Variants in CEP112 observed in about 807,000 individuals in gnomAD.
CEP112 encodes the protein centrosomal protein 112, also known as centrosomal protein of 112 kDa.
In CEP112, 127 loss-of-function variants were observed where a neutral mutation model predicts 153.0. That is an observed-to-expected ratio of 0.83 (90% CI 0.72 to 0.96). The LOEUF is 0.96. Ranked by LOEUF, CEP112 falls within the 40% of genes least tolerant of loss-of-function variation. CEP112 has a pLI of 0.00. For synonymous variants in CEP112, 358 were observed against 374.4 expected, an observed-to-expected ratio of 0.96 and a Z score of 0.51; for missense variants, 1,089 against 1,101.2, an observed-to-expected ratio of 0.99 and a Z score of 0.16.
intron 21 of CEP112, among the ~76,000 whole-genome samples, chr17:65,831,438 T>C (rs911402035): frequency 3.3e-5 from 5 of 151,698 alleles, no homozygotes; most frequent in African/African-American, 7.3e-5. Context: ...GCACCTGTAG[T>C]CCCAGCTACT....
intron 1 of CEP112, among the ~76,000 whole-genome samples, chr17:66,190,545 G>A (rs1280507074): frequency 6.6e-6 from 1 of 152,076 alleles, no homozygotes; most frequent in African/African-American, 2.4e-5. Flanking sequence ...GGTGACGGAC[G>A]TTGCAGTGAG....
At chr17:65,758,986 G>C (rs528464269) in intron 21 of CEP112, among the ~76,000 whole-genome samples, 77 of 152,286 alleles carry the variant, frequency 5.1e-4, no homozygotes, top group South Asian at 1.0e-3. Context: ...GAATGAGAGA[G>C]GAGGTAGGCA....
At chr17:65,743,770 A>AC (rs914538649) in intron 22 of CEP112, among the ~76,000 whole-genome samples, 2 of 150,250 alleles carry the variant, frequency 1.3e-5, no homozygotes, top group Non-Finnish European at 3.0e-5. Context: ...TTTAATTTTA[A>AC]TTTTTTTTGA....
chr17:65,723,083 C>T (rs2049982884), intron 23 of CEP112, among the ~76,000 whole-genome samples: 1 of 152,192 alleles, frequency 6.6e-6, no homozygotes, highest in African/African-American at 2.4e-5. Context: ...AATACATGTG[C>T]TTCAGATGTA....
intron 16 of CEP112, among the ~76,000 whole-genome samples, chr17:66,009,788 T>C (rs2064435498): frequency 6.6e-6 from 1 of 152,192 alleles, no homozygotes; most frequent in Non-Finnish European, 1.5e-5. Flanking sequence ...CGCAGCCTTA[T>C]TTCTGGGTTC....
intron 21 of CEP112, among the ~76,000 whole-genome samples, chr17:65,842,983 G>A (rs556977952): frequency 4.6e-5 from 7 of 151,682 alleles, no homozygotes; most frequent in Non-Finnish European, 8.8e-5. Flanking sequence ...CTATACCCAT[G>A]TAACAAACCT....
chr17:66,115,943 C>A (rs2069269103), intron 6 of CEP112, among the ~76,000 whole-genome samples: 1 of 152,146 alleles, frequency 6.6e-6, no homozygotes, highest in Non-Finnish European at 1.5e-5. Context: ...GATAGCTGCC[C>A]TCAATAAGCC....
intron 18 of CEP112, among the ~76,000 whole-genome samples, chr17:65,932,701 C>T (rs1250213603): frequency 6.6e-6 from 1 of 151,994 alleles, no homozygotes; most frequent in African/African-American, 2.4e-5. Context: ...AGAGTGAGGG[C>T]GAAGGTGCCA....
intron 21 of CEP112, among the ~76,000 whole-genome samples, chr17:65,830,469 C>A (rs1197213633): frequency 6.6e-6 from 1 of 152,116 alleles, no homozygotes; most frequent in East Asian, 1.9e-4. Flanking sequence ...TGGTCTTGTC[C>A]CACAGGAACT....
chr17:65,988,252 G>GAAATCAAC lies in CEP112; in HGVS notation c.1736+17430_1736+17437dup, dbSNP rs2063475425. Among the ~76,000 whole-genome samples, 4 of 152,102 alleles carry GAAATCAAC rather than the reference G, an allele frequency of 2.6e-5. No individual in the cohort carries two copies. The South Asian group carries it at 8.3e-4, about 31-fold the overall frequency. On this transcript the variant is annotated intron_variant, in intron 17 of 26. Transcript: ENST00000535342. Reference sequence around the variant, plus strand: ...GTGATCTAGCGAGATAAGAAAGAAAGAAATCAACAAATCAATTATAATGAA... The same window carrying GAAATCAAC: ...GTGATCTAGCGAGATAAGAAAGAAAGAAATCAACAAATCAACAAATCAATTATAATGAA...
chr17:65,974,548 C>T (rs1568325407), intron 17 of CEP112, among the ~76,000 whole-genome samples: 2 of 152,146 alleles, frequency 1.3e-5, no homozygotes, highest in East Asian at 1.9e-4. Context: ...AAATTCATAT[C>T]CATTAGGTTA....
intron 20 of CEP112, among the ~76,000 whole-genome samples, chr17:65,898,658 T>C (rs778547707): frequency 3.9e-5 from 6 of 152,186 alleles, no homozygotes; most frequent in African/African-American, 1.4e-4. Flanking sequence ...CTGTACTATA[T>C]GCAAATGCTA....
chr17:66,052,875 C>T (rs529548673), intron 12 of CEP112, among the ~76,000 whole-genome samples: 8 of 151,896 alleles, frequency 5.3e-5, no homozygotes, highest in African/African-American at 1.2e-4. Context: ...GGGAGGCCAA[C>T]GCGGGCAGAT....
intron 18 of CEP112, among the ~76,000 whole-genome samples, chr17:65,941,153 T>C (rs1040655827): frequency 2.0e-5 from 3 of 152,162 alleles, no homozygotes; most frequent in African/African-American, 7.2e-5. Context: ...GTAGGCCTGA[T>C]ATATTCAGCA....
intron 21 of CEP112, among the ~76,000 whole-genome samples, chr17:65,834,161 A>G (rs1304641511): frequency 6.6e-6 from 1 of 152,214 alleles, no homozygotes; most frequent in Non-Finnish European, 1.5e-5. Flanking sequence ...CATAAGACTG[A>G]AGCTGAATCC....
rs28566522 is a variant in CEP112, at chr17:65,878,314, T to C, written c.2163+23838A>G. ...GTATATGTATGCTAAAACATCAAAT[T>C]ATGCATCTTAAACATATAAAGCTAT... On this transcript the variant is annotated intron_variant, in intron 20 of 26. Coordinates refer to ENST00000535342, the MANE Select transcript of CEP112 (RefSeq NM_001199165.4). Among the ~76,000 whole-genome samples, 434 of 152,286 alleles carry C rather than the reference T, an allele frequency of 2.8e-3. 1 individual carries two copies. Among genetic ancestry groups the C allele is most frequent in the African/African-American group, 0.01 (417 of 41,562 alleles).
chr17:66,163,968 T>C (rs2071822749), intron 4 of CEP112, among the ~76,000 whole-genome samples: 1 of 152,208 alleles, frequency 6.6e-6, no homozygotes, highest in African/African-American at 2.4e-5. Context: ...GCTGACTTAC[T>C]GGGGGAGAAA....
In CEP112 at chr17:65,964,479, T is replaced by C. The variant is rs185840316; in HGVS notation, c.1737-2881A>G. 1.2e-4 allele frequency among the ~76,000 whole-genome samples: 19 copies of C among 152,312 alleles called. 1 individual carries two copies. The East Asian group carries it at 3.5e-3, about 28-fold the overall frequency. On this transcript the variant is annotated intron_variant, in intron 17 of 26. Coordinates refer to ENST00000535342, the MANE Select transcript of CEP112 (RefSeq NM_001199165.4). Reference sequence around the variant, plus strand: ...ATGTAGGATTTCCCTGCTACAAACATTGAATAATTTGTTTGAATATAAAAA... The same window carrying C: ...ATGTAGGATTTCCCTGCTACAAACACTGAATAATTTGTTTGAATATAAAAA...
At chr17:65,925,119 T>C (rs2060875943) in intron 19 of CEP112, among the ~76,000 whole-genome samples, 1 of 152,160 alleles carries the variant, frequency 6.6e-6, no homozygotes, top group Non-Finnish European at 1.5e-5. Context: ...GTGGAGATAA[T>C]TAAATCATGG....
Sources: allele counts gnomAD v4.1 joint callset (sites outside exome capture counted in the v4.1 genomes callset), GRCh38; gene constraint gnomAD v4.1.1; transcripts MANE v1.5; gene names NCBI Gene and HGNC (gene_info 2026-07-23, HGNC 2026-07-21).